Variants in MTF1 observed in about 807,000 individuals in gnomAD.
MTF1 encodes the protein MRE-binding transcription factor.
MTF1 carries 22 observed loss-of-function variants against 70.4 expected under a neutral mutation model. That is an observed-to-expected ratio of 0.31 (90% confidence interval 0.22 to 0.45). MTF1 has a LOEUF of 0.45. MTF1 is among the 20% of genes least tolerant of loss of function. The pLI, the probability that MTF1 is intolerant of heterozygous loss-of-function variation, is 1.00. For missense variants in MTF1, 649 were observed against 922.0 expected, an observed-to-expected ratio of 0.70 and a Z score of 3.83; for synonymous variants, 333 against 352.8, an observed-to-expected ratio of 0.94 and a Z score of 0.63.
intron 7 of MTF1, among the ~76,000 whole-genome samples, chr1:37,825,755 C>T (rs1387291401): frequency 6.6e-6 from 1 of 152,214 alleles, no homozygotes; most frequent in Non-Finnish European, 1.5e-5. Flanking sequence ...TTACAATGAT[C>T]TACTTCCCCT....
intron 2 of MTF1, among the ~76,000 whole-genome samples, chr1:37,846,455 C>T (rs1275891566): frequency 6.8e-6 from 1 of 146,998 alleles, no homozygotes; most frequent in Non-Finnish European, 1.5e-5. Flanking sequence ...TAACTTTAAT[C>T]TTCCTGAGTG....
rs1233396248 is a variant in MTF1 at position 37,817,415 on chromosome 1, A to G, written c.1831+4T>C. 6.3e-7 allele frequency: 1 copy of G among 1,592,912 alleles called. No individual in the cohort carries two copies. Among genetic ancestry groups the G allele is most frequent in the Admixed American group, 1.7e-5 (1 of 59,964 alleles). On this transcript the variant is annotated splice_donor_region_variant and intron_variant, in intron 10 of 10. Transcript: ENST00000373036. Reference sequence around the variant, plus strand: ...TCTCTTAAGGCTAACATGGAATTACATACCTGGGCTACTGGCTACTGGTAC... The same window carrying G: ...TCTCTTAAGGCTAACATGGAATTACGTACCTGGGCTACTGGCTACTGGTAC...
At chr1:37,823,103 G>C (rs906532010) in intron 8 of MTF1, among the ~76,000 whole-genome samples, 1 of 152,200 alleles carries the variant, frequency 6.6e-6, no homozygotes, top group East Asian at 1.9e-4. Context: ...TGGATTTGTG[G>C]GTCCTGTCCA....
At chr1:37,848,781 C>G (rs1417793472) in intron 2 of MTF1, among the ~76,000 whole-genome samples, 1 of 152,156 alleles carries the variant, frequency 6.6e-6, no homozygotes, top group Non-Finnish European at 1.5e-5. Flanking sequence ...CCTACAGAGC[C>G]TCACACTTAC....
intron 7 of MTF1, among the ~76,000 whole-genome samples, chr1:37,824,652 C>T (rs531985998): frequency 2.6e-5 from 4 of 152,234 alleles, no homozygotes; most frequent in South Asian, 2.1e-4. Flanking sequence ...GAGCCAAGAT[C>T]GCACCACTGC....
intron 2 of MTF1, chr1:37,841,339 C>G (rs1641252678): frequency 6.5e-6 from 1 of 153,568 alleles, no homozygotes; most frequent in African/African-American, 2.4e-5. Context: ...ACGCCGTCCC[C>G]TGCAAGGTGA....
chr1:37,826,695 G>A, intron 7 of MTF1: 1 of 410,536 alleles, frequency 2.4e-6, no homozygotes, highest in African/African-American at 2.1e-5. Context: ...GAAATTATGT[G>A]AGGCCAGGCG....
intron 7 of MTF1, among the ~76,000 whole-genome samples, chr1:37,831,207 A>C (rs754404617): frequency 5.3e-5 from 8 of 152,006 alleles, no homozygotes; most frequent in Non-Finnish European, 1.2e-4. Context: ...TCTGCGGGAG[A>C]GTTGGTCTCA....
At chr1:37,824,283 G>A (rs1350718422) in intron 7 of MTF1, among the ~76,000 whole-genome samples, 1 of 152,186 alleles carries the variant, frequency 6.6e-6, no homozygotes, top group Non-Finnish European at 1.5e-5. Flanking sequence ...TACAATGGCA[G>A]AGTTGACTAG....
At chr1:37,843,857 C>A (rs1641293320) in intron 2 of MTF1, among the ~76,000 whole-genome samples, 1 of 141,554 alleles carries the variant, frequency 7.1e-6, no homozygotes, top group Admixed American at 7.3e-5. Context: ...CTCCTGTCTC[C>A]CCTCCCACCC....
At chr1:37,858,591 C>T (rs952774812) in intron 1 of MTF1, 2 of 152,150 alleles carry the variant, frequency 1.3e-5, no homozygotes, top group Admixed American at 1.3e-4. Flanking sequence ...AATATGGTGT[C>T]AACAAGAAGT....
In MTF1 at chr1:37,813,026, A is replaced by G. The variant is rs1640759695; in HGVS notation, c.*2110T>C. Reference sequence around the variant, plus strand: ...CCAGGCATGGTGGCTCACACCTGTAATCCCAGCACTTTGGGAGACTGAGGC... The same window carrying G: ...CCAGGCATGGTGGCTCACACCTGTAGTCCCAGCACTTTGGGAGACTGAGGC... On this transcript the variant is annotated 3_prime_UTR_variant, in exon 11 of 11. Coordinates refer to ENST00000373036, the MANE Select transcript of MTF1 (RefSeq NM_005955.3). 6.6e-6 allele frequency: 1 copy of G among 152,326 alleles called. No individual in the cohort carries two copies. The highest frequency in any genetic ancestry group is 1.5e-5 in the Non-Finnish European group (1 of 68,152). The allele number at this position is 152,326 out of a possible 1,614,324, so 9.4% of individuals were successfully genotyped here.
chr1:37,852,567 A>G (rs888141948), intron 2 of MTF1, among the ~76,000 whole-genome samples: 1 of 152,216 alleles, frequency 6.6e-6, no homozygotes, highest in African/African-American at 2.4e-5. Context: ...AAGCTGTGCT[A>G]AGACACAGCA....
At chr1:37,849,603 G>T (rs1641384138) in intron 2 of MTF1, among the ~76,000 whole-genome samples, 1 of 152,142 alleles carries the variant, frequency 6.6e-6, no homozygotes, top group Non-Finnish European at 1.5e-5. Context: ...AGGTCAGTTA[G>T]CCATGGAGGA....
At chr1:37,825,286 G>T (rs1241597859) in intron 7 of MTF1, among the ~76,000 whole-genome samples, 1 of 152,100 alleles carries the variant, frequency 6.6e-6, no homozygotes, top group Admixed American at 6.5e-5. Context: ...GCCCAGGCTG[G>T]AGTGCAGTGG....
At chr1:37,819,971 AAAAAAAAAAAAAAAGG>A (rs1640886130) in intron 9 of MTF1, among the ~76,000 whole-genome samples, 1 of 93,372 alleles carries the variant, frequency 1.1e-5, no homozygotes, top group Non-Finnish European at 2.7e-5. Flanking sequence ...AAAAAAAAAA[AAAAAAAAAAAAAAAGG>A]AGAAGTGAGA....
intron 6 of MTF1, chr1:37,834,802 C>T (rs1415883736): frequency 7.1e-6 from 4 of 562,578 alleles, no homozygotes; most frequent in African/African-American, 1.9e-5. Context: ...GATTTTTGGC[C>T]TTTGCCACTA....
In MTF1 at chr1:37,840,376, T is replaced by C. The variant is rs1641237706; in HGVS notation, c.409-218A>G. 4 of 598,464 alleles carry C rather than the reference T, an allele frequency of 6.7e-6. No homozygotes were observed. Among genetic ancestry groups the C allele is most frequent in the Admixed American group, 2.7e-5 (1 of 37,284 alleles). 37.1% of individuals were successfully genotyped at this position (598,464 alleles called of 1,614,324 possible). Reference sequence around the variant, plus strand: ...ATGATTTATGGGGAAGAAATAAGTCTATATGTAGATGAATATTCTAAATGA... The same window carrying C: ...ATGATTTATGGGGAAGAAATAAGTCCATATGTAGATGAATATTCTAAATGA... On this transcript the variant is annotated intron_variant, in intron 2 of 10. Transcript: ENST00000373036. The surrounding 1 kb of genome is among the most constrained non-coding windows in gnomAD (Gnocchi z 4.5).
intron 9 of MTF1, among the ~76,000 whole-genome samples, chr1:37,820,837 T>C (rs1387428693): frequency 2.0e-5 from 3 of 152,078 alleles, no homozygotes; most frequent in Admixed American, 2.0e-4. Context: ...TGCAAGATGT[T>C]AGTAATAGGG....
Sources: gnomAD v4.1 joint callset for allele counts (sites outside exome capture counted in the v4.1 genomes callset) on GRCh38, gnomAD v4.1.1 for gene constraint, Gnocchi (gnomAD v3.1) non-coding constraint, MANE v1.5 for transcripts, NCBI Gene and HGNC (gene_info 2026-07-23, HGNC 2026-07-21) for gene names.